WWC1: variants seen among roughly 807,000 people sequenced by gnomAD.
WWC1 encodes WW and C2 domain containing 1.
A neutral mutation model predicts 138.4 loss-of-function variants in WWC1; 55 were observed. That is an observed-to-expected ratio of 0.40 (90% CI 0.32 to 0.50). The LOEUF (loss-of-function observed/expected upper bound fraction) is 0.50. Among genes scored for constraint, WWC1 ranks in the 20% least tolerant of loss-of-function variants. The pLI is 0.72. For synonymous variants in WWC1, 524 were observed against 564.9 expected (o/e 0.93, Z 1.03); for missense variants, 1,226 against 1,420.4 (o/e 0.86, Z 2.20).
At chr5:168,397,458 T>G (rs761342414) in intron 3 of WWC1, among the ~76,000 whole-genome samples, 5 of 152,196 alleles carry the variant, frequency 3.3e-5, no homozygotes, top group Non-Finnish European at 5.9e-5. Context: ...TTTAAATTAT[T>G]CTTTACACTT....
intron 22 of WWC1, among the ~76,000 whole-genome samples, chr5:168,468,683 G>A (rs1757501131): frequency 6.6e-6 from 1 of 152,162 alleles, no homozygotes; most frequent in Non-Finnish European, 1.5e-5. Context: ...CATCGTTCAT[G>A]CTAATGGTCT....
intron 2 of WWC1, among the ~76,000 whole-genome samples, chr5:168,383,489 G>C (rs946104334): frequency 2.0e-5 from 3 of 152,160 alleles, no homozygotes; most frequent in African/African-American, 7.2e-5. Context: ...GACCTGTTTA[G>C]GAGGAATGAG....
At chr5:168,311,965 C>A (rs747304098) in intron 1 of WWC1, among the ~76,000 whole-genome samples, 1 of 152,058 alleles carries the variant, frequency 6.6e-6, no homozygotes, top group Non-Finnish European at 1.5e-5. Context: ...AGGAGAATCT[C>A]TTGAACCTGG....
chr5:168,399,530 C>A lies in WWC1; in HGVS notation c.553C>A (p.Leu185Met). ...AGAGATGGTTCACCTCCAGCACGAGCTGCAGTTCAAAGAGCGTGGCTTTCA... is the reference window on the plus strand; with the variant it reads ...AGAGATGGTTCACCTCCAGCACGAGATGCAGTTCAAAGAGCGTGGCTTTCA... ...KREMVHLQHELQFKERGFQTL... is the reference protein window; with the variant it reads ...KREMVHLQHEMQFKERGFQTL... Residue 185 changes from leucine (L) to methionine (M), a missense_variant, in exon 5 of 23, where the codon CTG becomes ATG. Coordinates refer to ENST00000265293, the MANE Select transcript of WWC1 (RefSeq NM_015238.3). 6.2e-7 allele frequency: 1 copy of A among 1,614,188 alleles called. No homozygotes were observed. Among genetic ancestry groups the A allele is most frequent in the Non-Finnish European group, 8.5e-7 (1 of 1,180,038 alleles).
chr5:168,388,220 C>G (rs889242133), intron 3 of WWC1, among the ~76,000 whole-genome samples: 5 of 152,102 alleles, frequency 3.3e-5, no homozygotes, highest in African/African-American at 4.8e-5. Flanking sequence ...AATATTTCAT[C>G]TGAATCTAAT....
At chr5:168,349,280 C>T (rs1774735274) in intron 1 of WWC1, among the ~76,000 whole-genome samples, 1 of 152,138 alleles carries the variant, frequency 6.6e-6, no homozygotes, top group Admixed American at 6.5e-5. Flanking sequence ...TCTGACACCC[C>T]CACCCAGTTC....
intron 15 of WWC1, among the ~76,000 whole-genome samples, chr5:168,435,410 A>G (rs1338378025): frequency 6.6e-6 from 1 of 152,160 alleles, no homozygotes; most frequent in African/African-American, 2.4e-5. Context: ...GCTCAAAACA[A>G]AACAAAAAAA....
intron 19 of WWC1, among the ~76,000 whole-genome samples, chr5:168,459,077 A>C (rs1756573892): frequency 6.6e-6 from 1 of 151,950 alleles, no homozygotes; most frequent in Non-Finnish European, 1.5e-5. Context: ...AACATGGTGA[A>C]ACCTTGTCTC....
At chr5:168,379,808 T>A (rs1237837895) in intron 2 of WWC1, among the ~76,000 whole-genome samples, 1 of 152,134 alleles carries the variant, frequency 6.6e-6, no homozygotes, top group African/African-American at 2.4e-5. Context: ...GGAAAAAAAA[T>A]AGGCCACCAC....
intron 8 of WWC1, among the ~76,000 whole-genome samples, chr5:168,413,396 T>C (rs962011285): frequency 2.0e-5 from 3 of 152,200 alleles, no homozygotes; most frequent in Admixed American, 2.0e-4. Flanking sequence ...ATACTGAAGA[T>C]CTATATAACA....
chr5:168,333,666 G>T (rs1408126679), intron 1 of WWC1, among the ~76,000 whole-genome samples: 5 of 152,142 alleles, frequency 3.3e-5, no homozygotes, highest in African/African-American at 1.2e-4. Flanking sequence ...GAGAGTGCAG[G>T]AGAGGGACAT....
rs11279828 is a variant in WWC1 at position 168,431,457 on chromosome 5, TCTGGCTGGCTGGCTGGCTGG to T, written c.2280+41_2280+60del. ...GGAAGAGTGCCTGGTAAGGGCCGTGTCTGGCTGGCTGGCTGGCTGGCTGGCTGGCTGGCTGGCTGGCTGGC... is the reference window on the plus strand; with the variant it reads ...GGAAGAGTGCCTGGTAAGGGCCGTGTCTGGCTGGCTGGCTGGCTGGCTGGC... On this transcript the variant is annotated intron_variant, in intron 15 of 22. Coordinates refer to ENST00000265293, the MANE Select transcript of WWC1 (RefSeq NM_015238.3). 217 of 1,414,544 alleles carry T rather than the reference TCTGGCTGGCTGGCTGGCTGG, an allele frequency of 1.5e-4. No individual in the cohort carries two copies. The highest frequency in any genetic ancestry group is 4.2e-4 in the Admixed American group (20 of 47,196). 87.6% of individuals were successfully genotyped at this position (1,414,544 alleles called of 1,614,324 possible).
At chr5:168,395,224 C>A (rs549223904) in intron 3 of WWC1, among the ~76,000 whole-genome samples, 1 of 152,322 alleles carries the variant, frequency 6.6e-6, no homozygotes, top group African/African-American at 2.4e-5. Flanking sequence ...CATTGCCCCA[C>A]AGTACAGACC....
chr5:168,352,740 T>A (rs1161813485), intron 1 of WWC1, among the ~76,000 whole-genome samples: 1 of 151,972 alleles, frequency 6.6e-6, no homozygotes, highest in East Asian at 1.9e-4. Flanking sequence ...CCCACGACCT[T>A]GCCCAGCTAA....
rs151292739 is a variant in WWC1, at chr5:168,425,218, G to T, written c.1810+1150G>T. Among the ~76,000 whole-genome samples the T allele has an allele frequency of 7.2e-5, 11 of 151,778 alleles. No homozygotes were observed. The East Asian group carries it at 2.1e-3, about 29-fold the overall frequency. ...CAACCCCCTTATTGTCATGCCTTAG[G>T]CTGGGAGGCAGTTCAGCATGCACAT... On this transcript the variant is annotated intron_variant, in intron 11 of 22. Coordinates refer to ENST00000265293, the MANE Select transcript of WWC1 (RefSeq NM_015238.3).
At chr5:168,391,017 T>G (rs1351222592) in intron 3 of WWC1, among the ~76,000 whole-genome samples, 1 of 152,232 alleles carries the variant, frequency 6.6e-6, no homozygotes, top group African/African-American at 2.4e-5. Context: ...AGTGGCAAGG[T>G]AGCCTTTGTA....
chr5:168,466,381 G>A (rs763322591), intron 21 of WWC1, among the ~76,000 whole-genome samples: 17 of 152,024 alleles, frequency 1.1e-4, no homozygotes, highest in African/African-American at 2.4e-4. Flanking sequence ...CTCTGTGATC[G>A]CCACCCACGG....
chr5:168,357,559 G>A (rs1207198133), intron 1 of WWC1, among the ~76,000 whole-genome samples: 1 of 151,104 alleles, frequency 6.6e-6, no homozygotes, highest in Non-Finnish European at 1.5e-5. Context: ...TGCTTGAGAG[G>A]CTGAATGAAC....
Position 168,423,924 on chromosome 5 carries a change from C to T in WWC1, c.1666C>T (p.Leu556=). Residue 556 remains leucine, a synonymous_variant, in exon 11 of 23, where the codon CTG becomes TTG. Coordinates refer to ENST00000265293, the MANE Select transcript of WWC1 (RefSeq NM_015238.3). Reference sequence around the variant, plus strand: ...TTCCCCTCTCATGGCTGACCCCCTCCTGGCTGGTGATGCCTTCCTCAACTC... The same window carrying T: ...TTCCCCTCTCATGGCTGACCCCCTCTTGGCTGGTGATGCCTTCCTCAACTC... ...PCSPLMADPL[L]AGDAFLNSLE... 6.2e-7 allele frequency: 1 copy of T among 1,614,226 alleles called. No homozygotes were observed. The highest frequency in any genetic ancestry group is 8.5e-7 in the Non-Finnish European group (1 of 1,180,040).
Sources: allele counts gnomAD v4.1 joint callset (sites outside exome capture counted in the v4.1 genomes callset), GRCh38; gene constraint gnomAD v4.1.1; transcripts MANE v1.5; gene names NCBI Gene and HGNC (gene_info 2026-07-23, HGNC 2026-07-21).